The following GPSM2 variants were observed in gnomAD, a reference collection of about 807,000 sequenced individuals.
GPSM2 encodes G protein signaling modulator 2.
GPSM2 carries 58 observed loss-of-function variants against 78.4 expected under a neutral mutation model. The ratio of observed to expected loss-of-function variants is 0.74; its 90% CI spans 0.60 to 0.92. The LOEUF is 0.92. Among genes scored for constraint, GPSM2 ranks in the 40% least tolerant of loss-of-function variants. The pLI, the probability that GPSM2 is intolerant of heterozygous loss-of-function variation, is 0.00. For missense variants in GPSM2, 700 were observed against 815.5 expected (o/e 0.86, Z 1.73); for synonymous variants, 224 against 280.2 (o/e 0.80, Z 2.00).
chr1:108,897,766 G>GA (rs951121267), intron 4 of GPSM2, 139 bp downstream of exon 4: 13 of 973,396 alleles, frequency 1.3e-5, no homozygotes, highest in Non-Finnish European at 1.8e-5. Flanking sequence ...AGAAGTAAAA[G>GA]AAAAAAAATT....
chr1:108,906,123 C>T (rs1338034579), intron 10 of GPSM2, among the ~76,000 whole-genome samples: 1 of 152,198 alleles, frequency 6.6e-6, no homozygotes, highest in African/African-American at 2.4e-5. Context: ...ATGTTTTCTC[C>T]TAAACATGTT....
chr1:108,885,288 G>A lies in GPSM2; in HGVS notation c.-235G>A. 2.4e-6 allele frequency: 1 copy of A among 417,556 alleles called. No individual in the cohort carries two copies. 25.9% of individuals were successfully genotyped at this position (417,556 alleles called of 1,614,324 possible). Reference sequence around the variant, plus strand: ...TTCCTTTTGCAGAAATGTTGCTGAAGTGCTGCTGAAAGGGCCAGAGATGCA... The same window carrying A: ...TTCCTTTTGCAGAAATGTTGCTGAAATGCTGCTGAAAGGGCCAGAGATGCA... On this transcript the variant is annotated 5_prime_UTR_variant, in exon 2 of 15. The change creates a new upstream start codon in the 5' untranslated region. Coordinates refer to ENST00000264126, the MANE Select transcript of GPSM2 (RefSeq NM_013296.5).
intron 10 of GPSM2, among the ~76,000 whole-genome samples, chr1:108,913,096 G>T (rs1649893820): frequency 6.6e-6 from 1 of 152,088 alleles, no homozygotes. Flanking sequence ...GTATTGATGG[G>T]ATAGAAATTG....
rs1314011999 is a variant in GPSM2 at position 108,918,841 on chromosome 1, G to A, written c.1440+52G>A. ...TTGTGTTTTGAGTACCGACATTTGG[G>A]TTTTCTTGTATTCATGCTGAATTTT... On this transcript the variant is annotated intron_variant, in intron 12 of 14. Coordinates refer to ENST00000264126, the MANE Select transcript of GPSM2 (RefSeq NM_013296.5). 6 of 1,210,456 alleles carry A rather than the reference G, an allele frequency of 5.0e-6. No homozygotes were observed. In the Admixed American group the frequency reaches 8.4e-5, roughly 17 times the overall value. The allele number at this position is 1,210,456 out of a possible 1,614,324, so 75.0% of individuals were successfully genotyped here. A position where few individuals can be genotyped will look rare whatever the true frequency, so the allele number is the denominator to read the frequency against.
chr1:108,878,741 T>C (rs1405995060), intron 1 of GPSM2, among the ~76,000 whole-genome samples: 1 of 152,232 alleles, frequency 6.6e-6, no homozygotes, highest in Non-Finnish European at 1.5e-5. Flanking sequence ...CTGTTATTAC[T>C]ACAGCACTAT....
chr1:108,881,531 T>A (rs558472196), intron 1 of GPSM2, among the ~76,000 whole-genome samples: 1 of 152,350 alleles, frequency 6.6e-6, no homozygotes, highest in African/African-American at 2.4e-5. Flanking sequence ...GTGAACACAT[T>A]ATTGCTAAAT....
At position 108,885,508 on chromosome 1, in the gene GPSM2, TTA is replaced by T; in HGVS notation, c.-12_-11del. On this transcript the variant is annotated 5_prime_UTR_variant, in exon 2 of 15. Transcript: ENST00000264126. Reference sequence around the variant, plus strand: ...ATAAAATAATTTTATTTTATTCAGCTTATAATATGACTCGATGGAGGAAAATT... The same window carrying T: ...ATAAAATAATTTTATTTTATTCAGCTTAATATGACTCGATGGAGGAAAATT... 7.0e-7 allele frequency: 1 copy of T among 1,422,628 alleles called. No individual in the cohort carries two copies. The highest frequency in any genetic ancestry group is 9.9e-7 in the Non-Finnish European group (1 of 1,006,336). The allele number at this position is 1,422,628 out of a possible 1,614,324, so 88.1% of individuals were successfully genotyped here.
In GPSM2 at chr1:108,897,575, C is replaced by G. The variant is rs749681813; in HGVS notation, c.362C>G (p.Ala121Gly). 11 of 1,612,920 alleles carry G rather than the reference C, an allele frequency of 6.8e-6. No individual in the cohort carries two copies. The South Asian group carries it at 1.2e-4, about 18-fold the overall frequency. ...TLKVLGNFDE[A>G]IVCCQRHLDI... Reference sequence around the variant, plus strand: ...AAAGTTCTTGGGAATTTTGACGAAGCCATAGTTTGTTGTCAGCGACACCTA... The same window carrying G: ...AAAGTTCTTGGGAATTTTGACGAAGGCATAGTTTGTTGTCAGCGACACCTA... Residue 121 changes from alanine (A) to glycine (G), a missense_variant, in exon 4 of 15, where the codon GCC becomes GGC. Ala to Gly is a moderately conservative substitution (Grantham distance 60, BLOSUM62 0). Coordinates refer to ENST00000264126, the MANE Select transcript of GPSM2 (RefSeq NM_013296.5).
At chr1:108,892,512 T>C (rs80041447) in intron 2 of GPSM2, among the ~76,000 whole-genome samples, 4,304 of 152,302 alleles carry the variant, frequency 0.028, 215 homozygotes, top group African/African-American at 0.098. Context: ...CTGTGTCTAT[T>C]TGAAGTTTAT....
intron 10 of GPSM2, among the ~76,000 whole-genome samples, chr1:108,912,576 A>AT (rs1253304583): frequency 5.9e-4 from 78 of 132,182 alleles, no homozygotes; most frequent in African/African-American, 2.2e-3. Context: ...CCCTGTCTGT[A>AT]TAAAAAAAAA....
intron 2 of GPSM2, among the ~76,000 whole-genome samples, chr1:108,894,230 ATT>A (rs1648190152): frequency 6.6e-6 from 1 of 152,206 alleles, no homozygotes; most frequent in East Asian, 1.9e-4. Context: ...AATAGGCTTT[ATT>A]AATTGTGAAG....
chr1:108,920,822 T>G (rs1020704555), intron 12 of GPSM2, among the ~76,000 whole-genome samples: 1 of 152,224 alleles, frequency 6.6e-6, no homozygotes, highest in Non-Finnish European at 1.5e-5. Flanking sequence ...TAAGCTCACT[T>G]AGCTCAACTG....
At chr1:108,892,413 A>T (rs1648037237) in intron 2 of GPSM2, among the ~76,000 whole-genome samples, 1 of 152,232 alleles carries the variant, frequency 6.6e-6, no homozygotes, top group African/African-American at 2.4e-5. Context: ...AATTGAAATG[A>T]CATGAGTTTG....
intron 2 of GPSM2, among the ~76,000 whole-genome samples, chr1:108,895,812 G>A (rs904347554): frequency 1.3e-5 from 2 of 152,028 alleles, no homozygotes; most frequent in African/African-American, 4.8e-5. Context: ...CCTGCCACCC[G>A]TCCATGGAAA....
intron 1 of GPSM2, chr1:108,877,651 G>T (rs1396509270): frequency 6.6e-6 from 1 of 151,964 alleles, no homozygotes; most frequent in African/African-American, 2.4e-5. Context: ...ACTTGGAGTC[G>T]GGCGCGTCCT....
chr1:108,898,894 A>G lies in GPSM2; in HGVS notation c.697A>G (p.Lys233Glu), dbSNP rs142923222. The change falls in exon 7 of 15, where the codon AAA becomes GAA. Residue 233 changes from lysine to glutamate, a missense_variant. Physicochemically the swap from Lys to Glu is moderately conservative, Grantham distance 56. Coordinates refer to ENST00000264126, the MANE Select transcript of GPSM2 (RefSeq NM_013296.5). ...TTTGTTTCAGCGTCTCCTTATTGCA[A>G]AAGAATTTGGAGATAAAGCAGCTGA... is the stretch of plus-strand genomic sequence containing the variant. ...IAHEQRLLIA[K>E]EFGDKAAERR... is the part of the protein sequence containing the mutation. 1.7e-4 allele frequency: 276 copies of G among 1,611,772 alleles called. 2 individuals carry two copies. The African/African-American group carries it at 3.3e-3, about 19-fold the overall frequency.
At chr1:108,901,671 C>A in intron 7 of GPSM2, 119 bp from the exon 8 acceptor site, 2 of 795,850 alleles carry the variant, frequency 2.5e-6, no homozygotes, top group South Asian at 2.8e-5. Context: ...GAATATTAGG[C>A]TCTCAGAGAT....
intron 2 of GPSM2, among the ~76,000 whole-genome samples, chr1:108,893,043 C>A (rs1648082533): frequency 1.3e-5 from 2 of 152,268 alleles, no homozygotes; most frequent in Admixed American, 1.3e-4. Context: ...TTTCTTATGA[C>A]AATTATGTAA....
In GPSM2 at chr1:108,922,600, C is replaced by T. The variant is rs760213859; in HGVS notation, c.1600+24C>T. The stretch of plus-strand genomic sequence containing the variant: ...AAGTAAGTCATCTCTGTTTCTCCCC[C>T]GATTTTAATAGTTCTCTTTGATATT... On this transcript the variant is annotated intron_variant, in intron 13 of 14. Coordinates refer to ENST00000264126, the MANE Select transcript of GPSM2 (RefSeq NM_013296.5). 12 of 1,564,558 alleles carry T rather than the reference C, an allele frequency of 7.7e-6. No individual in the cohort carries two copies. In the East Asian group the frequency reaches 1.1e-4, roughly 15 times the overall value.
Sources: gnomAD v4.1 joint callset for allele counts (sites outside exome capture counted in the v4.1 genomes callset) on GRCh38, gnomAD v4.1.1 for gene constraint, MANE v1.5 for transcripts, NCBI Gene and HGNC (gene_info 2026-07-23, HGNC 2026-07-21) for gene names.